Variants in FOXP2 observed in about 807,000 individuals in gnomAD.
FOXP2 encodes the protein forkhead box P2, also known as forkhead box protein P2.
Under a neutral mutation model 115.8 loss-of-function variants are expected in FOXP2, and 12 were observed. That is an observed-to-expected ratio of 0.10 (90% CI 0.07 to 0.17). The LOEUF is 0.17. Among genes scored for constraint, FOXP2 ranks in the 10% least tolerant of loss-of-function variants. The pLI is 1.00. For synonymous variants in FOXP2, 328 were observed against 297.7 expected, an observed-to-expected ratio of 1.10 and a Z score of -1.05; for missense variants, 629 against 843.5, an observed-to-expected ratio of 0.75 and a Z score of 3.15.
At chr7:114,397,392 A>G (rs1485301515) in intron 2 of FOXP2, among the ~76,000 whole-genome samples, 1 of 152,164 alleles carries the variant, frequency 6.6e-6, no homozygotes, top group Non-Finnish European at 1.5e-5. Context: ...AGCAACAGAC[A>G]ATAAACATAG....
At chr7:114,659,515 T>A in intron 12 of FOXP2, 57 bp from the exon 13 acceptor site, 2 of 1,580,526 alleles carry the variant, frequency 1.3e-6, no homozygotes, top group Non-Finnish European at 1.7e-6. Flanking sequence ...GAAAGTGTCA[T>A]CTAGTCTAGT....
intron 1 of FOXP2, among the ~76,000 whole-genome samples, chr7:114,271,677 A>T (rs1474059257): frequency 8.5e-6 from 1 of 117,488 alleles, no homozygotes; most frequent in African/African-American, 3.5e-5. Flanking sequence ...TATTATTTAA[A>T]ATTATATTTA....
At chr7:114,291,853 C>A (rs1796600164) in intron 2 of FOXP2, among the ~76,000 whole-genome samples, 1 of 134,342 alleles carries the variant, frequency 7.4e-6, no homozygotes, top group African/African-American at 2.7e-5. Flanking sequence ...ATATATATAA[C>A]ATTTTATATA....
intron 7 of FOXP2, 54 bp from the exon 8 acceptor site, chr7:114,644,631 T>C: frequency 6.8e-7 from 1 of 1,477,730 alleles, no homozygotes; most frequent in East Asian, 2.3e-5. Flanking sequence ...GCTAGCAGCC[T>C]GCAACGATTA....
intron 1 of FOXP2, among the ~76,000 whole-genome samples, chr7:114,092,794 A>G (rs191897364): frequency 1.2e-4 from 19 of 152,200 alleles, no homozygotes; most frequent in Admixed American, 1.1e-3. Context: ...TGGTTGATCT[A>G]TGTCTGTATG....
chr7:114,330,615 G>GAA (rs1447566221), intron 2 of FOXP2, among the ~76,000 whole-genome samples: 1 of 151,568 alleles, frequency 6.6e-6, no homozygotes, highest in Non-Finnish European at 1.5e-5. Flanking sequence ...ATAGTAGAAG[G>GAA]AAATGTTTTG....
chr7:114,381,448 T>C (rs1792291731), intron 2 of FOXP2, among the ~76,000 whole-genome samples: 1 of 152,200 alleles, frequency 6.6e-6, no homozygotes, highest in Non-Finnish European at 1.5e-5. Flanking sequence ...CTTGGGCTAA[T>C]GCCTGGCCAA....
intron 1 of FOXP2, among the ~76,000 whole-genome samples, chr7:114,203,438 T>C (rs1794123935): frequency 6.6e-6 from 1 of 152,152 alleles, no homozygotes; most frequent in East Asian, 1.9e-4. Context: ...ACTCAAGTGA[T>C]CCTCCCACCT....
In FOXP2 at chr7:114,372,845, A is replaced by G. The variant is rs748138698; in HGVS notation, c.-10-53657A>G. 8.7e-4 allele frequency among the ~76,000 whole-genome samples: 132 copies of G among 152,166 alleles called. 1 individual carries two copies. Among genetic ancestry groups the G allele is most frequent in the Non-Finnish European group, 3.4e-4 (23 of 68,030 alleles). On this transcript the variant is annotated intron_variant, in intron 2 of 17. Transcript: ENST00000634411. ...TGACTGGAAATGTAGATTGCGTAAC[A>G]TGTTTAAGTTAACCATGAAGATTTT...
chr7:114,202,622 A>G (rs2129159881), intron 1 of FOXP2, among the ~76,000 whole-genome samples: 1 of 152,284 alleles, frequency 6.6e-6, no homozygotes, highest in African/African-American at 2.4e-5. Context: ...TAGATTGTTA[A>G]CATCACAGTG....
intron 1 of FOXP2, among the ~76,000 whole-genome samples, chr7:114,284,272 T>A (rs1052352075): frequency 1.5e-5 from 2 of 133,044 alleles, no homozygotes; most frequent in Non-Finnish European, 3.3e-5. Context: ...TCTCAGCACA[T>A]TGTTAAAAAA....
chr7:114,607,537 G>T (rs1803395010), intron 3 of FOXP2, among the ~76,000 whole-genome samples: 2 of 152,144 alleles, frequency 1.3e-5, no homozygotes, highest in African/African-American at 2.4e-5. Context: ...GGATTGCAGA[G>T]ACATTAAAAT....
At chr7:114,510,140 T>C (rs1295019955) in intron 2 of FOXP2, among the ~76,000 whole-genome samples, 16 of 152,174 alleles carry the variant, frequency 1.1e-4, no homozygotes, top group Admixed American at 1.0e-3. Context: ...AGATTCATGT[T>C]GCTATATCCT....
chr7:114,262,142 A>C (rs1183097391), intron 1 of FOXP2, among the ~76,000 whole-genome samples: 2 of 151,800 alleles, frequency 1.3e-5, no homozygotes, highest in East Asian at 3.9e-4. Flanking sequence ...ATTTACTATC[A>C]TCTGGGTACA....
intron 2 of FOXP2, among the ~76,000 whole-genome samples, chr7:114,343,519 T>G (rs1310691129): frequency 4.6e-5 from 7 of 151,618 alleles, no homozygotes; most frequent in Admixed American, 6.6e-5. Flanking sequence ...CTTCCTTACA[T>G]TGTTTAATAA....
At chr7:114,494,165 T>G (rs555527696) in intron 2 of FOXP2, among the ~76,000 whole-genome samples, 1 of 152,246 alleles carries the variant, frequency 6.6e-6, no homozygotes, top group African/African-American at 2.4e-5. Context: ...GTTTAAGACA[T>G]TTTGCCCAAA....
At chr7:114,581,074 T>TCCAC (rs1801831158) in intron 3 of FOXP2, among the ~76,000 whole-genome samples, 1 of 50,472 alleles carries the variant, frequency 2.0e-5, no homozygotes, top group East Asian at 1.4e-3. Flanking sequence ...CATAAACACA[T>TCCAC]GCACACACAC....
chr7:114,086,635 G>T (rs1188268696), upstream of FOXP2: 1 of 388,360 alleles, frequency 2.6e-6, no homozygotes, highest in South Asian at 1.8e-5. Flanking sequence ...CCCTCACTCT[G>T]GCGCGCTACA....
At chr7:114,529,686 A>C (rs1038280589) in intron 2 of FOXP2, among the ~76,000 whole-genome samples, 10 of 151,856 alleles carry the variant, frequency 6.6e-5, no homozygotes, top group Admixed American at 3.3e-4. Context: ...TGTATCAGGC[A>C]TGAAAAAATA....
Sources: gnomAD v4.1 joint callset for allele counts (sites outside exome capture counted in the v4.1 genomes callset) on GRCh38, gnomAD v4.1.1 for gene constraint, MANE v1.5 for transcripts, NCBI Gene and HGNC (gene_info 2026-07-23, HGNC 2026-07-21) for gene names.